ZNF69: variants seen among roughly 807,000 people sequenced by gnomAD.
ZNF69 encodes ZNF3.
ZNF69 carries 47 observed loss-of-function variants against 50.9 expected under a neutral mutation model. The ratio of observed to expected loss-of-function variants is 0.92; its 90% CI spans 0.73 to 1.18. The LOEUF is 1.18. Among genes scored for constraint, ZNF69 ranks in the 50% most tolerant of loss-of-function variants. ZNF69 has a pLI of 0.00. For synonymous variants in ZNF69, 216 were observed against 223.1 expected, an observed-to-expected ratio of 0.97 and a Z score of 0.29; for missense variants, 717 against 675.1, an observed-to-expected ratio of 1.06 and a Z score of -0.69.
At chr19:11,972,114 C>T in the ZNF69 span, among the ~76,000 whole-genome samples, 1 of 149,838 alleles carries the variant, frequency 6.7e-6, no homozygotes. Context: ...GGTAACGTGG[C>T]AAACTTTGTC....
At chr19:11,935,784 T>C in the ZNF69 span, among the ~76,000 whole-genome samples, 1 of 152,230 alleles carries the variant, frequency 6.6e-6, no homozygotes, top group African/African-American at 2.4e-5. Flanking sequence ...GTATAACATG[T>C]GCCGTGTTGG....
chr19:11,889,480 A>G lies in ZNF69; in HGVS notation c.63+1494A>G, dbSNP rs144930970. On this transcript the variant is annotated intron_variant, in intron 1 of 3. Coordinates refer to ENST00000429654, the MANE Select transcript of ZNF69 (RefSeq NM_001364730.1). ...GGGAAGGTACTTTGTTTTTGTTTTT[A>G]TTTAAAACAGAGTCTCCTTCTGTCA... 4.0e-3 allele frequency among the ~76,000 whole-genome samples: 602 copies of G among 152,116 alleles called. 7 individuals carry two copies. Among genetic ancestry groups the G allele is most frequent in the African/African-American group, 0.014 (581 of 41,472 alleles).
At position 11,904,993 on chromosome 19, in the gene ZNF69, A is replaced by G. The variant is rs1424741704; in HGVS notation, c.596A>G (p.Lys199Arg). The G allele has an allele frequency of 6.2e-7, 1 of 1,614,182 alleles. No individual in the cohort carries two copies. The highest frequency in any genetic ancestry group is 8.5e-7 in the Non-Finnish European group (1 of 1,180,024). Residue 199 changes from lysine (K) to arginine (R), a missense_variant, in exon 4 of 4, where the codon AAA becomes AGA. By Grantham distance (26) the Lys-to-Arg change is conservative (BLOSUM62 2). Coordinates refer to ENST00000429654, the MANE Select transcript of ZNF69 (RefSeq NM_001364730.1). ...CCCTATGCTTGTAAAGAATGTGGAA[A>G]AACTTTTATTTCCCATTCAAGCATT... ...EKPYACKECG[K>R]TFISHSSIQR...
At chr19:11,913,114 A>G (rs147809953) in intron 4 of ZNF69, among the ~76,000 whole-genome samples, 2,138 of 151,946 alleles carry the variant, frequency 0.014, 43 homozygotes, top group African/African-American at 0.049. Flanking sequence ...GGAGAATGGC[A>G]TGAATCCAGG....
the ZNF69 span, chr19:11,946,834 G>T: frequency 1.5e-4 from 31 of 200,528 alleles, no homozygotes; most frequent in East Asian, 3.3e-3. Flanking sequence ...CACACTACAA[G>T]AGGGAAAGGG....
At chr19:11,962,184 AG>A in the ZNF69 span, among the ~76,000 whole-genome samples, 1 of 151,472 alleles carries the variant, frequency 6.6e-6, no homozygotes, top group East Asian at 2.0e-4. Context: ...TGGGAGGCTG[AG>A]GGGGGTGGAT....
At chr19:11,977,103 T>C in the ZNF69 span, 1 of 1,614,142 alleles carries the variant, frequency 6.2e-7, no homozygotes, top group South Asian at 1.1e-5. Context: ...TGCTGGATAT[T>C]TCGCAGAGGA....
At chr19:11,957,937 G>A in the ZNF69 span, among the ~76,000 whole-genome samples, 1 of 152,270 alleles carries the variant, frequency 6.6e-6, no homozygotes, top group East Asian at 1.9e-4. Context: ...GATCACTAAA[G>A]AGAAAACTGT....
At chr19:11,893,411 A>G (rs893754669) in intron 1 of ZNF69, among the ~76,000 whole-genome samples, 3 of 152,208 alleles carry the variant, frequency 2.0e-5, no homozygotes, top group African/African-American at 7.2e-5. Context: ...CCCTCATACC[A>G]CAGCCTGACT....
the ZNF69 span, among the ~76,000 whole-genome samples, chr19:11,960,232 A>G: frequency 6.6e-6 from 1 of 152,164 alleles, no homozygotes; most frequent in African/African-American, 2.4e-5. Flanking sequence ...GTTGGCCAGG[A>G]TGGTCTCAAT....
chr19:11,972,278 G>C, the ZNF69 span, among the ~76,000 whole-genome samples: 1 of 151,540 alleles, frequency 6.6e-6, no homozygotes, highest in Non-Finnish European at 1.5e-5. Context: ...GAATGAGCCT[G>C]AGACCCTGTT....
At chr19:11,948,920 G>C in the ZNF69 span, 2 of 1,606,678 alleles carry the variant, frequency 1.2e-6, no homozygotes, top group Non-Finnish European at 1.7e-6. Flanking sequence ...CATGAAAGAA[G>C]TCACATGGGA....
At chr19:11,931,317 G>A in the ZNF69 span, among the ~76,000 whole-genome samples, 2 of 148,014 alleles carry the variant, frequency 1.4e-5, no homozygotes, top group Non-Finnish European at 2.9e-5. Context: ...TCTTCTTGTG[G>A]TTTCTTCACA....
chr19:11,977,157 C>A, the ZNF69 span: 1 of 1,614,068 alleles, frequency 6.2e-7, no homozygotes, highest in Admixed American at 1.7e-5. Flanking sequence ...GGAACCTGAC[C>A]TCTATAGGTA....
At chr19:11,891,313 C>T (rs1318587612) in intron 1 of ZNF69, among the ~76,000 whole-genome samples, 7 of 148,880 alleles carry the variant, frequency 4.7e-5, no homozygotes, top group Admixed American at 4.0e-4. Context: ...TGTAGTTCCA[C>T]GTACTCGGGA....
At position 11,906,144 on chromosome 19, in the gene ZNF69, A is replaced by G. The variant is rs551293945; in HGVS notation, c.*46A>G. On this transcript the variant is annotated 3_prime_UTR_variant, in exon 4 of 4. Coordinates refer to ENST00000429654, the MANE Select transcript of ZNF69 (RefSeq NM_001364730.1). ...CTCACACCTTTGAATGCATGGTAGG[A>G]CACACAATCAAGAGAAACCATGAAT... is the stretch of plus-strand genomic sequence containing the variant. 2.1e-5 allele frequency: 34 copies of G among 1,587,880 alleles called. No homozygotes were observed. The East Asian group carries it at 7.6e-4, about 35-fold the overall frequency.
rs115530674 is a variant in ZNF69 at position 11,893,816 on chromosome 19, G to A, written c.63+5830G>A. On this transcript the variant is annotated intron_variant, in intron 1 of 3. Transcript: ENST00000429654. Reference sequence around the variant, plus strand: ...TTCATCTACATAACCAATTCTTGGGGTGCTCAACTTCTCTCTCCCAACTCC... The same window carrying A: ...TTCATCTACATAACCAATTCTTGGGATGCTCAACTTCTCTCTCCCAACTCC... Among the ~76,000 whole-genome samples, 1,099 of 152,254 alleles carry A rather than the reference G, an allele frequency of 7.2e-3. 12 individuals carry two copies. The highest frequency in any genetic ancestry group is 0.025 in the African/African-American group (1,054 of 41,536).
At chr19:11,928,937 TAA>T in the ZNF69 span, among the ~76,000 whole-genome samples, 2 of 146,824 alleles carry the variant, frequency 1.4e-5, no homozygotes, top group Admixed American at 1.3e-4. Flanking sequence ...CATATTAATA[TAA>T]GTTAAAAAAA....
At chr19:11,950,111 G>T in the ZNF69 span, 1 of 1,614,012 alleles carries the variant, frequency 6.2e-7, no homozygotes, top group African/African-American at 1.3e-5. Flanking sequence ...ATACATGCAA[G>T]AACACACATT....
Sources: gnomAD v4.1 joint callset for allele counts (sites outside exome capture counted in the v4.1 genomes callset) on GRCh38, gnomAD v4.1.1 for gene constraint, MANE v1.5 for transcripts, NCBI Gene and HGNC (gene_info 2026-07-23, HGNC 2026-07-21) for gene names.